The following OSTM1 variants were observed in gnomAD, a reference collection of about 807,000 sequenced individuals.
OSTM1 encodes osteopetrosis-associated transmembrane protein 1.
OSTM1 carries 26 observed loss-of-function variants against 35.4 expected under a neutral mutation model. The observed-to-expected ratio is 0.73, with a 90% CI of 0.54 to 1.02. The LOEUF is 1.02. Among genes scored for constraint, OSTM1 ranks in the 50% least tolerant of loss-of-function variants. The pLI is 0.00. For synonymous variants in OSTM1, 181 were observed against 165.0 expected (o/e 1.10, Z -0.75); for missense variants, 366 against 409.6 (o/e 0.89, Z 0.92).
At chr6:108,048,015 T>C (rs1200141674) in intron 5 of OSTM1, among the ~76,000 whole-genome samples, 1 of 152,202 alleles carries the variant, frequency 6.6e-6, no homozygotes, top group East Asian at 1.9e-4. Context: ...AGCTACTGCA[T>C]ATTTACAGAA....
At chr6:108,051,448 T>C (rs552473373) in intron 3 of OSTM1, among the ~76,000 whole-genome samples, 1 of 152,210 alleles carries the variant, frequency 6.6e-6, no homozygotes, top group East Asian at 1.9e-4. Context: ...GCAAACTGTT[T>C]GGAACTTTCT....
chr6:108,072,742 AT>A (rs1443358101), intron 1 of OSTM1, among the ~76,000 whole-genome samples: 1 of 151,700 alleles, frequency 6.6e-6, no homozygotes, highest in African/African-American at 2.4e-5. Flanking sequence ...AAAATGACAG[AT>A]TTTTATTTTA....
intron 5 of OSTM1, among the ~76,000 whole-genome samples, chr6:108,046,695 G>C (rs1456042969): frequency 1.3e-5 from 2 of 152,080 alleles, no homozygotes; most frequent in Non-Finnish European, 2.9e-5. Flanking sequence ...ATGACTTCCT[G>C]GACGAGTGTA....
Position 108,074,708 on chromosome 6 carries a change from C to T in OSTM1, c.-57G>A. On this transcript the variant is annotated 5_prime_UTR_variant, in exon 1 of 6. The change creates a new upstream start codon in the 5' untranslated region. Transcript: ENST00000193322. ...GCCGCCTCTCCGCCCCCAGCCGGCA[C>T]CGCGGACAGCCGCCGCTTCCGGTTT... 1 of 1,438,886 alleles carries T rather than the reference C, an allele frequency of 6.9e-7. No individual in the cohort carries two copies. The allele number at this position is 1,438,886 out of a possible 1,614,324, so 89.1% of individuals were successfully genotyped here.
chr6:108,063,101 T>C (rs76088893), intron 2 of OSTM1, among the ~76,000 whole-genome samples: 5,230 of 151,916 alleles, frequency 0.034, 96 homozygotes, highest in African/African-American at 0.059. Flanking sequence ...CATCCTTGAA[T>C]TCCTGGGCTG....
At chr6:108,062,874 A>T (rs925015707) in intron 2 of OSTM1, among the ~76,000 whole-genome samples, 2 of 151,994 alleles carry the variant, frequency 1.3e-5, no homozygotes, top group African/African-American at 4.8e-5. Flanking sequence ...CAGTATAAAA[A>T]ATGTTGGCCC....
intron 5 of OSTM1, among the ~76,000 whole-genome samples, chr6:108,048,872 C>T (rs1772027795): frequency 6.6e-6 from 1 of 151,724 alleles, no homozygotes; most frequent in South Asian, 2.1e-4. Flanking sequence ...CTGCCTCAGC[C>T]TCCCGAGTAG....
chr6:108,052,997 C>T lies in OSTM1; in HGVS notation c.615+1493G>A, dbSNP rs6933293. The stretch of plus-strand genomic sequence containing the variant: ...TCCAAGCAGCTTGTGTGAACCTCTC[C>T]CTTTTTGCTAATAAAAGCTTCCCTT... On this transcript the variant is annotated intron_variant, in intron 3 of 5. Coordinates refer to ENST00000193322, the MANE Select transcript of OSTM1 (RefSeq NM_014028.4). 6.1e-3 allele frequency among the ~76,000 whole-genome samples: 932 copies of T among 152,274 alleles called. 9 individuals carry two copies. Among genetic ancestry groups the T allele is most frequent in the African/African-American group, 0.013 (539 of 41,556 alleles).
At position 108,068,176 on chromosome 6, in the gene OSTM1, T is replaced by A. The variant is rs1582398475; in HGVS notation, c.403-3877A>T. On this transcript the variant is annotated intron_variant, in intron 1 of 5. Transcript: ENST00000193322. ...ATCATGCTCTCCTCATTCTTCTTTA[T>A]CTCTCCAATTCTTCCTTCTCAGTCA... is the stretch of plus-strand genomic sequence containing the variant. Among the ~76,000 whole-genome samples the A allele has an allele frequency of 2.0e-5, 3 of 152,184 alleles. No individual in the cohort carries two copies. The East Asian group carries it at 5.8e-4, about 29-fold the overall frequency.
At chr6:108,050,616 C>A (rs903814417) in intron 4 of OSTM1, among the ~76,000 whole-genome samples, 1 of 152,064 alleles carries the variant, frequency 6.6e-6, no homozygotes, top group African/African-American at 2.4e-5. Context: ...CCCGCCTCAG[C>A]CTCCCAAAGT....
At chr6:108,060,140 C>G (rs897700529) in intron 2 of OSTM1, among the ~76,000 whole-genome samples, 4 of 152,076 alleles carry the variant, frequency 2.6e-5, no homozygotes, top group African/African-American at 9.7e-5. Context: ...TTCTCTGTAC[C>G]TCGCTTCTTT....
intron 1 of OSTM1, among the ~76,000 whole-genome samples, chr6:108,070,437 T>C (rs1450964582): frequency 6.6e-6 from 1 of 152,256 alleles, no homozygotes; most frequent in Non-Finnish European, 1.5e-5. Flanking sequence ...TTTCCCCATA[T>C]AAGGTATTTT....
chr6:108,055,061 T>C (rs914590376), intron 2 of OSTM1, among the ~76,000 whole-genome samples: 1 of 152,218 alleles, frequency 6.6e-6, no homozygotes, highest in Non-Finnish European at 1.5e-5. Flanking sequence ...TCGCTCTTTC[T>C]AATCCATCAC....
intron 2 of OSTM1, among the ~76,000 whole-genome samples, chr6:108,055,284 T>A (rs1306371417): frequency 6.6e-6 from 1 of 152,194 alleles, no homozygotes; most frequent in East Asian, 1.9e-4. Context: ...AATTTATGTA[T>A]CCATTTTCCC....
chr6:108,053,647 G>A (rs1772120877), intron 3 of OSTM1, among the ~76,000 whole-genome samples: 1 of 152,136 alleles, frequency 6.6e-6, no homozygotes, highest in Non-Finnish European at 1.5e-5. Context: ...TGTATTTTTA[G>A]TAGAGACAGG....
chr6:108,067,657 C>T (rs372056212), intron 1 of OSTM1, among the ~76,000 whole-genome samples: 1 of 151,698 alleles, frequency 6.6e-6, no homozygotes, highest in Admixed American at 6.6e-5. Flanking sequence ...CTGGTGAAAC[C>T]CCATCTCTAC....
At chr6:108,067,179 T>C (rs1582397858) in intron 1 of OSTM1, among the ~76,000 whole-genome samples, 1 of 151,806 alleles carries the variant, frequency 6.6e-6, no homozygotes, top group Non-Finnish European at 1.5e-5. Context: ...GAAACTCTGA[T>C]CTCTCTCCCA....
intron 4 of OSTM1, 88 bp downstream of exon 4, chr6:108,050,943 C>G (rs1042292840): frequency 2.0e-5 from 22 of 1,110,016 alleles, no homozygotes; most frequent in South Asian, 1.4e-4. Context: ...TATGCAGATT[C>G]CACCCTATCA....
chr6:108,048,211 A>G (rs1487241953), intron 5 of OSTM1, among the ~76,000 whole-genome samples: 1 of 152,242 alleles, frequency 6.6e-6, no homozygotes, highest in Non-Finnish European at 1.5e-5. Context: ...CGAAATTTAT[A>G]GGGAAAAGAA....
Sources: allele counts gnomAD v4.1 joint callset (sites outside exome capture counted in the v4.1 genomes callset), GRCh38; gene constraint gnomAD v4.1.1; transcripts MANE v1.5; gene names NCBI Gene and HGNC (gene_info 2026-07-23, HGNC 2026-07-21).